The following STARD9 variants were observed in gnomAD, a reference collection of about 807,000 sequenced individuals.
STARD9 encodes stAR-related lipid transfer protein 9.
STARD9 carries 346 observed loss-of-function variants against 399.8 expected under a neutral mutation model. The observed-to-expected ratio is 0.87, with a 90% CI of 0.79 to 0.95. The LOEUF is 0.95. Among genes scored for constraint, STARD9 ranks in the 40% least tolerant of loss-of-function variants. The pLI is 0.00. For missense variants in STARD9, 5,832 were observed against 5,667.5 expected, an observed-to-expected ratio of 1.03 and a Z score of -0.93; for synonymous variants, 2,203 against 2,143.5, an observed-to-expected ratio of 1.03 and a Z score of -0.77.
chr15:42,651,192 G>T, intron 8 of STARD9, 107 bp downstream of exon 8: 1 of 736,366 alleles, frequency 1.4e-6, no homozygotes, highest in Non-Finnish European at 2.1e-6. Context: ...GTCTCTGTGT[G>T]TAGAGATGTT....
chr15:42,612,047 C>T (rs1226791859), intron 3 of STARD9, among the ~76,000 whole-genome samples: 1 of 152,180 alleles, frequency 6.6e-6, no homozygotes, highest in African/African-American at 2.4e-5. Context: ...TGGCTCACTG[C>T]AGCCTCAATC....
intron 26 of STARD9, among the ~76,000 whole-genome samples, chr15:42,700,135 A>G (rs1478305244): frequency 6.6e-6 from 1 of 152,242 alleles, no homozygotes; most frequent in Non-Finnish European, 1.5e-5. Flanking sequence ...TTATGGCTGA[A>G]TAGTATTCCA....
chr15:42,718,866 A>G lies in STARD9; in HGVS notation c.13957A>G (p.Thr4653Ala). The G allele has an allele frequency of 6.5e-7, 1 of 1,537,218 alleles. No individual in the cohort carries two copies. The highest frequency in any genetic ancestry group is 1.4e-5 in the African/African-American group (1 of 73,162). ...LPSAWILQPI[T>A]VEGKEVTRVI... ...CAGTGCCTGGATCTTGCAGCCCATC[A>G]CTGTGGAAGGGAAGGAAGTCACCAG... Residue 4653 changes from threonine (T) to alanine (A), a missense_variant, in exon 32 of 33, where the codon ACT (threonine) becomes GCT (alanine). By Grantham distance (58) the Thr-to-Ala change is moderately conservative. Transcript: ENST00000290607.
intron 3 of STARD9, among the ~76,000 whole-genome samples, chr15:42,606,056 A>T (rs1948048355): frequency 6.6e-6 from 1 of 152,186 alleles, no homozygotes. Flanking sequence ...ATTTTGGAAA[A>T]TGTTCAAACC....
chr15:42,632,744 A>T (rs1289236155), intron 3 of STARD9, among the ~76,000 whole-genome samples: 1 of 152,216 alleles, frequency 6.6e-6, no homozygotes, highest in Non-Finnish European at 1.5e-5. Flanking sequence ...CAAGAGGCCG[A>T]GGCGAGATGA....
At chr15:42,590,883 G>A (rs2058379858) in intron 3 of STARD9, among the ~76,000 whole-genome samples, 2 of 152,170 alleles carry the variant, frequency 1.3e-5, no homozygotes, top group Admixed American at 1.3e-4. Context: ...TGAGGGATCT[G>A]TCCCCATGAC....
Position 42,698,377 on chromosome 15 carries a change from A to G in STARD9, c.13284+2497A>G, listed in dbSNP as rs538541542. ...TAGCTGAGAGTTTACCTTTTCCCAC[A>G]CTCTCACCAACATGTTATCAAATGT... On this transcript the variant is annotated intron_variant, in intron 26 of 32. Coordinates refer to ENST00000290607, the MANE Select transcript of STARD9 (RefSeq NM_020759.3). Among the ~76,000 whole-genome samples, 13 of 152,098 alleles carry G rather than the reference A, an allele frequency of 8.5e-5. No homozygotes were observed. The South Asian group carries it at 2.7e-3, about 32-fold the overall frequency.
intron 21 of STARD9, 103 bp from the exon 22 acceptor site, chr15:42,682,001 T>C: frequency 1.3e-6 from 1 of 781,794 alleles, no homozygotes; most frequent in East Asian, 2.7e-5. Flanking sequence ...GCCAGCTCTT[T>C]CACTCCACAC....
Position 42,646,091 on chromosome 15 carries a change from G to A in STARD9, c.560-4925G>A, listed in dbSNP as rs577121785. ...CAGGAGAATCACTTGAACCCAGAAGGCAGAGGTTGCAGTGAGCCGAGATTG... is the reference window on the plus strand; with the variant it reads ...CAGGAGAATCACTTGAACCCAGAAGACAGAGGTTGCAGTGAGCCGAGATTG... On this transcript the variant is annotated intron_variant, in intron 7 of 32. Transcript: ENST00000290607. Among the ~76,000 whole-genome samples the A allele has an allele frequency of 2.6e-4, 40 of 152,196 alleles. 1 individual carries two copies. The South Asian group carries it at 7.9e-3, about 30-fold the overall frequency.
Position 42,689,658 on chromosome 15 carries a change from T to C in STARD9, c.8080T>C (p.Cys2694Arg), listed in dbSNP as rs2060643265. 1 of 1,537,762 alleles carries C rather than the reference T, an allele frequency of 6.5e-7. No homozygotes were observed. Among genetic ancestry groups the C allele is most frequent in the Non-Finnish European group, 8.7e-7 (1 of 1,147,028 alleles). Residue 2694 changes from cysteine (C) to arginine (R), a missense_variant, in exon 23 of 33, where the codon TGT (cysteine) becomes CGT (arginine). Cys to Arg is a radical substitution (Grantham distance 180). Coordinates refer to ENST00000290607, the MANE Select transcript of STARD9 (RefSeq NM_020759.3). ...CGCGGGAGCAAGTGAACCATTTATA[T>C]GTCACTCTAGTTCTTCTGAAATCAT... ...QFAGASEPFI[C>R]HSSSSEIIEK... is the part of the protein sequence containing the mutation.
chr15:42,640,707 G>C (rs767439161), intron 7 of STARD9, among the ~76,000 whole-genome samples: 1 of 150,564 alleles, frequency 6.6e-6, no homozygotes, highest in Non-Finnish European at 1.5e-5. Context: ...TATAGTCCCA[G>C]CTACTCGTGA....
At chr15:42,655,376 G>A (rs975137204) in intron 9 of STARD9, among the ~76,000 whole-genome samples, 2 of 152,170 alleles carry the variant, frequency 1.3e-5, no homozygotes, top group East Asian at 3.8e-4. Flanking sequence ...ATGGTACTGG[G>A]ACAAAAACAG....
chr15:42,675,822 G>C (rs1245376625), intron 19 of STARD9, 50 bp from the exon 20 acceptor site: 1 of 1,534,012 alleles, frequency 6.5e-7, no homozygotes, highest in African/African-American at 1.4e-5. Flanking sequence ...CAAGCTGGGA[G>C]AGGTGGAGGC....
chr15:42,581,122 G>C (rs2058159371), intron 1 of STARD9: 1 of 723,258 alleles, frequency 1.4e-6, no homozygotes, highest in Non-Finnish European at 2.6e-6. Flanking sequence ...CCTTGCAGGA[G>C]AGTCAGATGC....
chr15:42,711,393 A>T (rs2061221165), intron 26 of STARD9, among the ~76,000 whole-genome samples: 1 of 152,150 alleles, frequency 6.6e-6, no homozygotes, highest in African/African-American at 2.4e-5. Context: ...CACTCGCTTC[A>T]GCCTCCCAAA....
chr15:42,585,724 G>A (rs2058263635), intron 3 of STARD9, 87 bp downstream of exon 3: 3 of 859,242 alleles, frequency 3.5e-6, no homozygotes, highest in Non-Finnish European at 5.5e-6. Context: ...ACTTTGCAAG[G>A]TTAGTATAGC....
chr15:42,589,294 C>T (rs2058347709), intron 3 of STARD9, among the ~76,000 whole-genome samples: 1 of 152,146 alleles, frequency 6.6e-6, no homozygotes, highest in Non-Finnish European at 1.5e-5. Flanking sequence ...TCAAGTGATC[C>T]TCCCGCCTTG....
chr15:42,677,865 GTC>G (rs1312903336), intron 20 of STARD9, among the ~76,000 whole-genome samples: 2 of 152,154 alleles, frequency 1.3e-5, no homozygotes, highest in East Asian at 3.9e-4. Context: ...TTGTCCTCCT[GTC>G]TCAACCCAGC....
intron 26 of STARD9, among the ~76,000 whole-genome samples, chr15:42,711,145 T>TC (rs2061211323): frequency 6.6e-6 from 1 of 151,230 alleles, no homozygotes; most frequent in African/African-American, 2.4e-5. Flanking sequence ...ATAACTTTTT[T>TC]TTTTTTTTTT....
Sources: allele counts gnomAD v4.1 joint callset (sites outside exome capture counted in the v4.1 genomes callset), GRCh38; gene constraint gnomAD v4.1.1; transcripts MANE v1.5; gene names NCBI Gene and HGNC (gene_info 2026-07-23, HGNC 2026-07-21).